Variants in RBFOX1 observed in about 807,000 individuals in gnomAD.
RBFOX1 encodes RNA binding fox-1 homolog 1.
A neutral mutation model predicts 57.7 loss-of-function variants in RBFOX1; 8 were observed. That is an observed-to-expected ratio of 0.14 (90% confidence interval 0.08 to 0.25). RBFOX1 has a LOEUF of 0.25. Among genes scored for constraint, RBFOX1 ranks in the 10% least tolerant of loss-of-function variants. The pLI is 1.00. For missense variants in RBFOX1, 611 were observed against 548.5 expected, an observed-to-expected ratio of 1.11 and a Z score of -1.14; for synonymous variants, 326 against 222.4, an observed-to-expected ratio of 1.47 and a Z score of -4.15.
In RBFOX1 at chr16:7,202,540, C is replaced by T. The variant is rs368623323; in HGVS notation, c.27+150442C>T. On this transcript the variant is annotated intron_variant, in intron 4 of 15. Coordinates refer to ENST00000550418, the MANE Select transcript of RBFOX1 (RefSeq NM_018723.4). ...CAGTCCCTGGGTCATGTAGTGGTAC[C>T]GGTGTATGGCCTGTTAGGAATTGGG... 3.3e-4 allele frequency among the ~76,000 whole-genome samples: 50 copies of T among 152,252 alleles called. No individual in the cohort carries two copies. In the East Asian group the frequency reaches 4.8e-3, roughly 15 times the overall value.
At chr16:6,719,952 G>A (rs770962225) in intron 3 of RBFOX1, among the ~76,000 whole-genome samples, 38 of 151,804 alleles carry the variant, frequency 2.5e-4, no homozygotes, top group Non-Finnish European at 4.9e-4. Flanking sequence ...AAATTAGCCG[G>A]GGGTGATGGC....
At chr16:6,483,447 C>T (rs1442333162) in intron 2 of RBFOX1, 6 of 1,535,692 alleles carry the variant, frequency 3.9e-6, no homozygotes, top group Non-Finnish European at 5.2e-6. Context: ...CCTCGGACTT[C>T]TCCCGTGCTG....
At chr16:7,037,881 C>T (rs1307693584) in intron 3 of RBFOX1, among the ~76,000 whole-genome samples, 1 of 152,144 alleles carries the variant, frequency 6.6e-6, no homozygotes, top group Non-Finnish European at 1.5e-5. Context: ...AGGCCATGGC[C>T]TGTGTGTCTC....
chr16:6,866,609 T>G (rs2059968693), intron 3 of RBFOX1, among the ~76,000 whole-genome samples: 1 of 131,592 alleles, frequency 7.6e-6, no homozygotes, highest in East Asian at 2.8e-4. Flanking sequence ...TGGTGCGATC[T>G]CGGCTCACTG....
At chr16:6,179,450 A>T (rs182807673) in intron 1 of RBFOX1, among the ~76,000 whole-genome samples, 1 of 152,272 alleles carries the variant, frequency 6.6e-6, no homozygotes, top group Non-Finnish European at 1.5e-5. Flanking sequence ...ACCTGACCCC[A>T]TGTTGGGACT....
chr16:6,996,363 G>A (rs1053052558), intron 3 of RBFOX1, among the ~76,000 whole-genome samples: 5 of 152,060 alleles, frequency 3.3e-5, no homozygotes, highest in African/African-American at 1.2e-4. Flanking sequence ...GTGGTTTTGT[G>A]CATGTGTGTG....
chr16:7,444,024 T>C (rs1409122698), intron 4 of RBFOX1, among the ~76,000 whole-genome samples: 1 of 152,212 alleles, frequency 6.6e-6, no homozygotes, highest in African/African-American at 2.4e-5. Flanking sequence ...TAGAATTGTT[T>C]TCTGTGGTTG....
At chr16:6,703,786 C>T (rs1343729039) in intron 3 of RBFOX1, 2 of 152,248 alleles carry the variant, frequency 1.3e-5, no homozygotes, top group African/African-American at 4.8e-5. Flanking sequence ...CACATCTGTC[C>T]AACCCAGATT....
chr16:7,680,366 C>G (rs1046851729), intron 14 of RBFOX1, among the ~76,000 whole-genome samples: 4 of 152,182 alleles, frequency 2.6e-5, no homozygotes, highest in Admixed American at 6.5e-5. Flanking sequence ...AAAGTGTTAT[C>G]TCCCCAGACA....
intron 3 of RBFOX1, among the ~76,000 whole-genome samples, chr16:7,023,801 ACT>A (rs2040065638): frequency 6.6e-6 from 1 of 152,004 alleles, no homozygotes; most frequent in South Asian, 2.1e-4. Context: ...CCTTCTGAAC[ACT>A]CTGGAGTAGG....
At chr16:7,099,209 T>G (rs1412656789) in intron 4 of RBFOX1, among the ~76,000 whole-genome samples, 1 of 152,180 alleles carries the variant, frequency 6.6e-6, no homozygotes, top group East Asian at 1.9e-4. Flanking sequence ...AACAATGTCT[T>G]CTGCATACGT....
chr16:6,950,268 T>A (rs1367365470), intron 3 of RBFOX1, among the ~76,000 whole-genome samples: 1 of 151,970 alleles, frequency 6.6e-6, no homozygotes, highest in Non-Finnish European at 1.5e-5. Context: ...AGCACATTCT[T>A]TGTCTTTGCA....
intron 1 of RBFOX1, among the ~76,000 whole-genome samples, chr16:6,264,209 A>T (rs2097719099): frequency 6.6e-6 from 1 of 152,150 alleles, no homozygotes; most frequent in African/African-American, 2.4e-5. Context: ...CATCTGGATC[A>T]CTTTGACTAC....
chr16:5,413,991 T>C (rs940600000), intron 1 of RBFOX1, among the ~76,000 whole-genome samples: 1 of 152,156 alleles, frequency 6.6e-6, no homozygotes, highest in African/African-American at 2.4e-5. Context: ...ATGAGGACAT[T>C]GAGGCTCTGG....
At chr16:5,251,762 G>T (rs3787) in intron 1 of RBFOX1, among the ~76,000 whole-genome samples, 2 of 113,108 alleles carry the variant, frequency 1.8e-5, no homozygotes, top group East Asian at 2.3e-4. Flanking sequence ...GATGATGGTT[G>T]TGTAGCTGCA....
chr16:6,676,945 G>A (rs12445205), intron 3 of RBFOX1, among the ~76,000 whole-genome samples: 36,281 of 151,562 alleles, frequency 0.24, 4,636 homozygotes, highest in East Asian at 0.34. Context: ...CAAAGTGCTG[G>A]GATTACAGGC....
intron 1 of RBFOX1, among the ~76,000 whole-genome samples, chr16:5,306,167 C>G (rs959692470): frequency 6.6e-6 from 1 of 152,156 alleles, no homozygotes; most frequent in African/African-American, 2.4e-5. Context: ...TGCCATTGCA[C>G]TCCAGCCTGG....
At chr16:7,525,522 T>TTGCACCCTCATGGG (rs1414558720) in intron 5 of RBFOX1, among the ~76,000 whole-genome samples, 3 of 152,098 alleles carry the variant, frequency 2.0e-5, no homozygotes, top group African/African-American at 7.2e-5. Context: ...TTGCACCGAT[T>TTGCACCCTCATGGG]TGCACCCTCA....
intron 3 of RBFOX1, among the ~76,000 whole-genome samples, chr16:6,988,204 TA>T (rs1279619201): frequency 6.6e-6 from 1 of 152,194 alleles, no homozygotes; most frequent in Non-Finnish European, 1.5e-5. Flanking sequence ...AATCTCCCCC[TA>T]AATTTTTGGA....
Sources: allele counts gnomAD v4.1 joint callset (sites outside exome capture counted in the v4.1 genomes callset), GRCh38; gene constraint gnomAD v4.1.1; transcripts MANE v1.5; gene names NCBI Gene and HGNC (gene_info 2026-07-23, HGNC 2026-07-21).